Variants in IQUB observed in about 807,000 individuals in gnomAD.
The protein encoded by IQUB is IQ motif and ubiquitin-like domain-containing protein.
Under a neutral mutation model 86.4 loss-of-function variants are expected in IQUB, and 86 were observed. The observed-to-expected ratio is 1.00, with a 90% CI of 0.84 to 1.19. The LOEUF is 1.19. IQUB is among the 50% of genes most tolerant of loss of function. The pLI, the probability that IQUB is intolerant of heterozygous loss-of-function variation, is 0.00. For missense variants in IQUB, 946 were observed against 916.9 expected (o/e 1.03, Z -0.41); for synonymous variants, 289 against 304.5 (o/e 0.95, Z 0.53).
chr7:123,507,870 C>CAA lies in IQUB; in HGVS notation c.532+2029_532+2030dup, dbSNP rs36049359. 5.3e-3 allele frequency among the ~76,000 whole-genome samples: 701 copies of CAA among 132,204 alleles called. 2 individuals are homozygous for CAA. The highest frequency in any genetic ancestry group is 7.6e-3 in the Non-Finnish European group (470 of 61,858). 86.7% of individuals were successfully genotyped at this position (132,204 alleles called of 152,430 possible). A position where few individuals can be genotyped will look rare whatever the true frequency, so the allele number is the denominator to read the frequency against. On this transcript the variant is annotated intron_variant, in intron 3 of 12. Transcript: ENST00000324698. ...TGGACAACAGAGTGAGACTCCATCT[C>CAA]AAAAAAAAAAAAAAATTAACATGAA...
At chr7:123,503,414 T>C (rs369628990) in intron 3 of IQUB, 51 bp from the exon 4 acceptor site, 1 of 936,728 alleles carries the variant, frequency 1.1e-6, no homozygotes, top group Non-Finnish European at 1.6e-6. Flanking sequence ...GAAATGGCTA[T>C]TCATTGATCT....
At chr7:123,504,587 G>A (rs1562863467) in intron 3 of IQUB, among the ~76,000 whole-genome samples, 1 of 152,162 alleles carries the variant, frequency 6.6e-6, no homozygotes, top group African/African-American at 2.4e-5. Flanking sequence ...GGAGGAGAAA[G>A]AGTGAAGGAG....
chr7:123,513,663 T>C (rs182401981), intron 1 of IQUB, among the ~76,000 whole-genome samples: 1 of 152,318 alleles, frequency 6.6e-6, no homozygotes, highest in African/African-American at 2.4e-5. Flanking sequence ...TATTTATTCT[T>C]TTTGAGACAG....
chr7:123,527,132 C>T (rs1310252325), intron 1 of IQUB, among the ~76,000 whole-genome samples: 4 of 152,198 alleles, frequency 2.6e-5, no homozygotes, highest in African/African-American at 9.7e-5. Flanking sequence ...CTGCATTCTT[C>T]ACGTAGTTCT....
rs1794399799 is a variant in IQUB, at chr7:123,469,057, G to GATTTAATAC, written c.1581+156_1581+157insGTATTAAAT. 2.6e-5 allele frequency among the ~76,000 whole-genome samples: 4 copies of GATTTAATAC among 152,050 alleles called. No homozygotes were observed. The South Asian group carries it at 8.3e-4, about 32-fold the overall frequency. On this transcript the variant is annotated intron_variant, in intron 9 of 12. Coordinates refer to ENST00000324698, the MANE Select transcript of IQUB (RefSeq NM_178827.5). ...TTACATTTATTATGTATTATATTTT[G>GATTTAATAC]AGAACTTTTAGGTAAATATTAATGC...
chr7:123,484,630 A>G (rs937795920), intron 7 of IQUB, among the ~76,000 whole-genome samples: 3 of 152,040 alleles, frequency 2.0e-5, no homozygotes, highest in Non-Finnish European at 4.4e-5. Context: ...GCTATTCTCA[A>G]AAAAAATCAA....
chr7:123,469,871 T>C (rs1584562764), intron 8 of IQUB, among the ~76,000 whole-genome samples: 1 of 152,228 alleles, frequency 6.6e-6, no homozygotes, highest in East Asian at 1.9e-4. Context: ...AAAATACTTC[T>C]ATAAGAAGTT....
intron 7 of IQUB, among the ~76,000 whole-genome samples, chr7:123,486,475 G>A (rs546491363): frequency 1.3e-5 from 2 of 152,220 alleles, no homozygotes; most frequent in South Asian, 4.1e-4. Flanking sequence ...CTTCTACCTT[G>A]TACAATGACC....
At chr7:123,531,582 GTTAT>G (rs869257190) in intron 1 of IQUB, among the ~76,000 whole-genome samples, 2 of 152,080 alleles carry the variant, frequency 1.3e-5, no homozygotes, top group African/African-American at 2.4e-5. Flanking sequence ...ATATATTCAG[GTTAT>G]TTATTTTCCT....
At chr7:123,532,764 A>G (rs1377574514) in intron 1 of IQUB, 2 of 152,176 alleles carry the variant, frequency 1.3e-5, no homozygotes, top group African/African-American at 4.8e-5. Context: ...CCTTGGGCTC[A>G]GCAACCCTCC....
At chr7:123,507,372 C>A (rs1760524696) in intron 3 of IQUB, among the ~76,000 whole-genome samples, 1 of 152,134 alleles carries the variant, frequency 6.6e-6, no homozygotes, top group Non-Finnish European at 1.5e-5. Context: ...ATTCTGAGCA[C>A]ACTTAAGGTA....
At chr7:123,486,189 G>A (rs937429459) in intron 7 of IQUB, among the ~76,000 whole-genome samples, 2 of 152,144 alleles carry the variant, frequency 1.3e-5, no homozygotes, top group African/African-American at 4.8e-5. Context: ...CCAATTACTT[G>A]AAACTGGAAG....
chr7:123,525,106 T>G (rs1053938230), intron 1 of IQUB, among the ~76,000 whole-genome samples: 6 of 152,234 alleles, frequency 3.9e-5, no homozygotes, highest in Non-Finnish European at 5.9e-5. Context: ...GGTTTGCCAG[T>G]ATTTTATTGA....
rs537595124 is a variant in IQUB, at chr7:123,462,699, T to G, written c.1759-1094A>C. ...TACACATTTTGTTTATCTTGAATGA[T>G]TATTTTATCTTCATGCCTCCTAGGC... On this transcript the variant is annotated intron_variant, in intron 10 of 12. Transcript: ENST00000324698. 4 of 312,466 alleles carry G rather than the reference T, an allele frequency of 1.3e-5. No individual in the cohort carries two copies. In the East Asian group the frequency reaches 3.2e-4, roughly 25 times the overall value. 19.4% of individuals were successfully genotyped at this position (312,466 alleles called of 1,614,324 possible). A position where few individuals can be genotyped will look rare whatever the true frequency, so the allele number is the denominator to read the frequency against.
At chr7:123,509,764 T>G (rs1227329372) in intron 3 of IQUB, 137 bp downstream of exon 3, 3 of 711,660 alleles carry the variant, frequency 4.2e-6, no homozygotes, top group Non-Finnish European at 7.1e-6. Context: ...TAAATATGTA[T>G]TGAATGAGTG....
At chr7:123,520,595 C>G (rs756068421) in intron 1 of IQUB, among the ~76,000 whole-genome samples, 19 of 152,138 alleles carry the variant, frequency 1.2e-4, no homozygotes, top group Non-Finnish European at 2.5e-4. Context: ...TGAGGAATAA[C>G]TAGCTAGTCA....
At chr7:123,462,192 A>G (rs772274593) in intron 10 of IQUB, among the ~76,000 whole-genome samples, 5 of 151,826 alleles carry the variant, frequency 3.3e-5, no homozygotes, top group Non-Finnish European at 5.9e-5. Flanking sequence ...GAACATTTCA[A>G]CACAAACTGA....
At chr7:123,462,811 T>C (rs893411176) in intron 10 of IQUB, 5 of 455,152 alleles carry the variant, frequency 1.1e-5, no homozygotes, top group African/African-American at 2.0e-5. Flanking sequence ...TATAATGCCA[T>C]GGAAAGATAT....
chr7:123,472,945 A>C (rs1794597133), intron 8 of IQUB, among the ~76,000 whole-genome samples: 2 of 152,226 alleles, frequency 1.3e-5, no homozygotes, highest in Admixed American at 6.5e-5. Flanking sequence ...TTTAGCTGCC[A>C]ACAAAAGAGA....
Sources: allele counts gnomAD v4.1 joint callset (sites outside exome capture counted in the v4.1 genomes callset), GRCh38; gene constraint gnomAD v4.1.1; transcripts MANE v1.5; gene names NCBI Gene and HGNC (gene_info 2026-07-23, HGNC 2026-07-21).